TMC1: variants seen among roughly 807,000 people sequenced by gnomAD.
TMC1 encodes the protein transmembrane channel like 1, also known as transmembrane channel-like protein 1.
TMC1 carries 84 observed loss-of-function variants against 105.8 expected under a neutral mutation model. That is an observed-to-expected ratio of 0.79 (90% CI 0.67 to 0.95). The LOEUF is 0.95. TMC1 is among the 40% of genes least tolerant of loss of function. TMC1 has a pLI of 0.00. For missense variants in TMC1, 817 were observed against 914.1 expected, an observed-to-expected ratio of 0.89 and a Z score of 1.37; for synonymous variants, 315 against 311.5, an observed-to-expected ratio of 1.01 and a Z score of -0.12.
intron 3 of TMC1, among the ~76,000 whole-genome samples, chr9:72,618,003 G>A (rs554069250): frequency 1.6e-4 from 24 of 148,800 alleles, no homozygotes; most frequent in Middle Eastern, 3.4e-3. Context: ...GGATAGGAGC[G>A]AGACTTCTCT....
chr9:72,735,937 A>G (rs1433518128), intron 8 of TMC1, among the ~76,000 whole-genome samples: 1 of 152,172 alleles, frequency 6.6e-6, no homozygotes, highest in Non-Finnish European at 1.5e-5. Flanking sequence ...TCAGTGGGCT[A>G]TGGGGAGCAG....
intron 18 of TMC1, among the ~76,000 whole-genome samples, chr9:72,812,031 G>T (rs1445431084): frequency 6.6e-6 from 1 of 152,174 alleles, no homozygotes; most frequent in Admixed American, 6.5e-5. Flanking sequence ...GTAGAGTTAG[G>T]CCTGAAACTC....
At chr9:72,796,955 A>C (rs2118211476) in intron 17 of TMC1, among the ~76,000 whole-genome samples, 1 of 152,244 alleles carries the variant, frequency 6.6e-6, no homozygotes, top group South Asian at 2.1e-4. Flanking sequence ...AGATGACATG[A>C]TCCTATATCT....
intron 1 of TMC1, among the ~76,000 whole-genome samples, chr9:72,556,353 G>T (rs893032055): frequency 2.6e-5 from 4 of 151,682 alleles, no homozygotes; most frequent in African/African-American, 9.7e-5. Context: ...CTGACCTCAG[G>T]TGATCCACCT....
chr9:72,734,026 T>A (rs960078010), intron 8 of TMC1, among the ~76,000 whole-genome samples: 3 of 152,192 alleles, frequency 2.0e-5, no homozygotes, highest in African/African-American at 7.2e-5. Flanking sequence ...ACAGTCAATC[T>A]GAGAACCCAG....
At chr9:72,800,341 CGTT>C (rs772203655) in intron 17 of TMC1, among the ~76,000 whole-genome samples, 3 of 152,116 alleles carry the variant, frequency 2.0e-5, no homozygotes, top group Non-Finnish European at 4.4e-5. Flanking sequence ...GAATTTGAGA[CGTT>C]CTCTTCTGCA....
At chr9:72,727,191 T>C (rs1303538012) in intron 8 of TMC1, among the ~76,000 whole-genome samples, 2 of 152,236 alleles carry the variant, frequency 1.3e-5, no homozygotes, top group Non-Finnish European at 1.5e-5. Flanking sequence ...AACATCCATT[T>C]GAATTCTTAT....
intron 1 of TMC1, among the ~76,000 whole-genome samples, chr9:72,531,104 C>T (rs1414994006): frequency 6.6e-6 from 1 of 152,078 alleles, no homozygotes; most frequent in Admixed American, 6.6e-5. Flanking sequence ...TTCCAAAGTG[C>T]TGGGATTACT....
rs534608884 is a variant in TMC1 at position 72,603,848 on chromosome 9, GTTTTTTTTTTT to G, written c.-305-12502_-305-12492del. On this transcript the variant is annotated intron_variant, in intron 2 of 23. Transcript: ENST00000297784. Reference sequence around the variant, plus strand: ...CAGGTGTGAGCCACTGCGACCGGCTGTTTTTTTTTTTTTTTTTTTTTTTTTTTTCTTTTTTG... The same window carrying G: ...CAGGTGTGAGCCACTGCGACCGGCTGTTTTTTTTTTTTTTTTTCTTTTTTG... Among the ~76,000 whole-genome samples, 562 of 74,020 alleles carry G rather than the reference GTTTTTTTTTTT, an allele frequency of 7.6e-3. 1 individual carries two copies. The highest frequency in any genetic ancestry group is 0.012 in the Middle Eastern group (1 of 82). The allele number at this position is 74,020 out of a possible 152,430, so 48.6% of individuals were successfully genotyped here. A position where few individuals can be genotyped will look rare whatever the true frequency, so the allele number is the denominator to read the frequency against.
chr9:72,633,804 C>A (rs73472794), intron 4 of TMC1, among the ~76,000 whole-genome samples: 2 of 152,228 alleles, frequency 1.3e-5, no homozygotes, highest in African/African-American at 4.8e-5. Context: ...TTGTCAGACA[C>A]CTACTATGTG....
At chr9:72,714,499 A>G (rs1826887158) in intron 8 of TMC1, among the ~76,000 whole-genome samples, 1 of 152,004 alleles carries the variant, frequency 6.6e-6, no homozygotes, top group Non-Finnish European at 1.5e-5. Context: ...TGTTGCATTG[A>G]TCCCTTTACC....
chr9:72,805,333 C>T (rs375160753), intron 17 of TMC1, 49 bp from the exon 18 acceptor site: 1 of 1,605,680 alleles, frequency 6.2e-7, no homozygotes, highest in Non-Finnish European at 8.5e-7. Context: ...AACACTAGGA[C>T]CATTTGAAGA....
chr9:72,633,887 T>A (rs529692025), intron 4 of TMC1, among the ~76,000 whole-genome samples: 3 of 152,198 alleles, frequency 2.0e-5, no homozygotes, highest in Non-Finnish European at 4.4e-5. Flanking sequence ...AAAAGCTCAG[T>A]CTCATAAGAC....
intron 3 of TMC1, among the ~76,000 whole-genome samples, chr9:72,620,997 G>A (rs957680483): frequency 2.0e-5 from 3 of 152,122 alleles, no homozygotes; most frequent in African/African-American, 4.8e-5. Context: ...ACTGATTGAC[G>A]TCAGTCTACT....
At chr9:72,651,110 A>T (rs903656704) in intron 5 of TMC1, 13 of 148,046 alleles carry the variant, frequency 8.8e-5, no homozygotes, top group African/African-American at 3.2e-4. Flanking sequence ...TCACATATAT[A>T]TAGCACATGT....
chr9:72,631,896 A>G (rs1378301178), intron 4 of TMC1, among the ~76,000 whole-genome samples: 1 of 152,252 alleles, frequency 6.6e-6, no homozygotes, highest in Non-Finnish European at 1.5e-5. Context: ...GCCTAAAGGA[A>G]AAGTCACCAG....
intron 12 of TMC1, among the ~76,000 whole-genome samples, chr9:72,757,682 C>T (rs1827694811): frequency 6.6e-6 from 1 of 152,210 alleles, no homozygotes; most frequent in South Asian, 2.1e-4. Flanking sequence ...GGTGTTTTGA[C>T]TGTGACCTGT....
At chr9:72,529,239 A>G (rs901881992) in intron 1 of TMC1, among the ~76,000 whole-genome samples, 1 of 151,932 alleles carries the variant, frequency 6.6e-6, no homozygotes, top group African/African-American at 2.4e-5. Context: ...ATCGTTTCCT[A>G]TTTTTGTGAA....
chr9:72,623,147 G>GTTTTTTTTTTTTTCT (rs1825285785), intron 3 of TMC1, among the ~76,000 whole-genome samples: 1 of 113,676 alleles, frequency 8.8e-6, no homozygotes, highest in Non-Finnish European at 1.7e-5. Context: ...CTCTCTCCCT[G>GTTTTTTTTTTTTTCT]TTTTTTTTTT....
Sources: allele counts gnomAD v4.1 joint callset (sites outside exome capture counted in the v4.1 genomes callset), GRCh38; gene constraint gnomAD v4.1.1; transcripts MANE v1.5; gene names NCBI Gene and HGNC (gene_info 2026-07-23, HGNC 2026-07-21).